Variants in CPPED1 observed in about 807,000 individuals in gnomAD.
CPPED1 encodes serine/threonine-protein phosphatase CPPED1.
CPPED1 carries 28 observed loss-of-function variants against 28.0 expected under a neutral mutation model. The observed-to-expected ratio is 1.00, with a 90% CI of 0.74 to 1.37. The LOEUF (loss-of-function observed/expected upper bound fraction) is 1.37, where lower values mean the gene tolerates loss of function less well. CPPED1 is among the 40% of genes most tolerant of loss of function. CPPED1 has a pLI of 0.00. For missense variants in CPPED1, 504 were observed against 416.5 expected (o/e 1.21, Z -1.83); for synonymous variants, 198 against 180.2 (o/e 1.10, Z -0.79).
At chr16:12,746,663 G>A (rs1394330361) in intron 2 of CPPED1, among the ~76,000 whole-genome samples, 1 of 151,688 alleles carries the variant, frequency 6.6e-6, no homozygotes, top group Admixed American at 6.6e-5. Context: ...AATTGTCTTT[G>A]TAAAAGAAAA....
intron 2 of CPPED1, among the ~76,000 whole-genome samples, chr16:12,736,017 G>A (rs941359002): frequency 2.0e-5 from 3 of 152,120 alleles, no homozygotes; most frequent in Non-Finnish European, 4.4e-5. Flanking sequence ...CTCCCACCTA[G>A]GAAGCAAGAT....
chr16:12,762,719 C>T (rs1453563903), intron 2 of CPPED1, among the ~76,000 whole-genome samples: 3 of 152,028 alleles, frequency 2.0e-5, no homozygotes, highest in Admixed American at 6.6e-5. Flanking sequence ...CTAACAGGGA[C>T]GGAGTTTCTT....
chr16:12,672,751 G>A (rs549296820), intron 3 of CPPED1, among the ~76,000 whole-genome samples: 5 of 152,094 alleles, frequency 3.3e-5, no homozygotes, highest in Non-Finnish European at 7.4e-5. Context: ...CGGGTGATTG[G>A]GAATGAAATC....
intron 2 of CPPED1, chr16:12,720,432 G>A (rs1179325759): frequency 2.6e-5 from 4 of 154,168 alleles, no homozygotes; most frequent in African/African-American, 7.2e-5. Flanking sequence ...TTCAGTGAAG[G>A]AAACTTCTTG....
intron 1 of CPPED1, among the ~76,000 whole-genome samples, chr16:12,802,124 C>T (rs1458271706): frequency 6.6e-6 from 1 of 152,138 alleles, no homozygotes; most frequent in African/African-American, 2.4e-5. Flanking sequence ...ACCGATGTAG[C>T]TCACGGAGGG....
chr16:12,711,117 C>T (rs1253332986), intron 2 of CPPED1, among the ~76,000 whole-genome samples: 2 of 152,218 alleles, frequency 1.3e-5, no homozygotes, highest in African/African-American at 2.4e-5. Context: ...GATAAGCGAA[C>T]TGTGGTATAT....
At chr16:12,711,794 C>A (rs1037500877) in intron 2 of CPPED1, among the ~76,000 whole-genome samples, 1 of 152,062 alleles carries the variant, frequency 6.6e-6, no homozygotes, top group African/African-American at 2.4e-5. Flanking sequence ...GTCTTCTAGA[C>A]CCTAAAATGA....
At chr16:12,723,477 G>T (rs1014299034) in intron 2 of CPPED1, among the ~76,000 whole-genome samples, 3 of 152,128 alleles carry the variant, frequency 2.0e-5, no homozygotes, top group African/African-American at 7.2e-5. Context: ...TAAGACAAGG[G>T]GATTAATGAG....
chr16:12,694,139 G>T (rs1176870913), intron 3 of CPPED1, among the ~76,000 whole-genome samples: 4 of 152,152 alleles, frequency 2.6e-5, no homozygotes, highest in Non-Finnish European at 5.9e-5. Context: ...CTGGGAGGTG[G>T]AGGTTGCAAT....
intron 2 of CPPED1, among the ~76,000 whole-genome samples, chr16:12,771,315 A>T (rs1473692188): frequency 6.6e-6 from 1 of 152,240 alleles, no homozygotes; most frequent in African/African-American, 2.4e-5. Flanking sequence ...CTATTTATTC[A>T]TGTGTTCCAG....
chr16:12,746,217 A>G (rs966724915), intron 2 of CPPED1, among the ~76,000 whole-genome samples: 4 of 152,086 alleles, frequency 2.6e-5, no homozygotes, highest in Non-Finnish European at 5.9e-5. Flanking sequence ...TCTACTAAAA[A>G]TACAAAAATG....
At chr16:12,734,449 A>G (rs2865613) in intron 2 of CPPED1, among the ~76,000 whole-genome samples, 120,217 of 151,578 alleles carry the variant, frequency 0.79, 47,753 homozygotes, top group Admixed American at 0.86. Flanking sequence ...GTGCTATCTC[A>G]GCTCACTGCA....
chr16:12,757,168 TAAGTTATAGCACCTCGAGGGTGACCAACA>T (rs1432861093), intron 2 of CPPED1, among the ~76,000 whole-genome samples: 12 of 151,818 alleles, frequency 7.9e-5, no homozygotes, highest in African/African-American at 2.9e-4. Flanking sequence ...GGTGACCAAC[TAAGTTATAGCACCTCGAGGGTGACCAACA>T]AAGTTATAGC....
At chr16:12,738,700 C>T (rs2080239204) in intron 2 of CPPED1, among the ~76,000 whole-genome samples, 1 of 152,108 alleles carries the variant, frequency 6.6e-6, no homozygotes, top group South Asian at 2.1e-4. Context: ...TATGGACTAA[C>T]CTCTGGGTAA....
chr16:12,752,675 T>TTA (rs924659238), intron 2 of CPPED1, among the ~76,000 whole-genome samples: 23 of 147,238 alleles, frequency 1.6e-4, no homozygotes, highest in African/African-American at 3.9e-4. Context: ...TAATATATAT[T>TTA]TATATATATA....
At chr16:12,765,941 G>C (rs780625982) in intron 2 of CPPED1, among the ~76,000 whole-genome samples, 31 of 151,752 alleles carry the variant, frequency 2.0e-4, no homozygotes, top group South Asian at 2.1e-4. Context: ...GCTTCATTTC[G>C]TTGCAGAAAA....
At chr16:12,781,794 A>G (rs1322679764) in intron 1 of CPPED1, among the ~76,000 whole-genome samples, 1 of 152,304 alleles carries the variant, frequency 6.6e-6, no homozygotes, top group East Asian at 1.9e-4. Context: ...TATTATATTT[A>G]AATTACTAGG....
At chr16:12,752,416 C>T (rs185146758) in intron 2 of CPPED1, among the ~76,000 whole-genome samples, 210 of 152,144 alleles carry the variant, frequency 1.4e-3, no homozygotes, top group Non-Finnish European at 2.3e-3. Flanking sequence ...TTAATCTTGA[C>T]AGCCCTCACT....
chr16:12,724,838 G>C (rs1567287241), intron 2 of CPPED1, among the ~76,000 whole-genome samples: 1 of 152,218 alleles, frequency 6.6e-6, no homozygotes, highest in Middle Eastern at 3.4e-3. Flanking sequence ...CCAGACTAGA[G>C]TGCAGTGGCG....
Sources: gnomAD v4.1 joint callset for allele counts (sites outside exome capture counted in the v4.1 genomes callset) on GRCh38, gnomAD v4.1.1 for gene constraint, MANE v1.5 for transcripts, NCBI Gene and HGNC (gene_info 2026-07-23, HGNC 2026-07-21) for gene names.